SPTAN1: variants seen among roughly 807,000 people sequenced by gnomAD.
SPTAN1 encodes spectrin alpha chain, non-erythrocytic 1.
Under a neutral mutation model 331.3 loss-of-function variants are expected in SPTAN1, and 61 were observed. That is an observed-to-expected ratio of 0.18 (90% CI 0.15 to 0.23). The LOEUF is 0.23. SPTAN1 is among the 10% of genes least tolerant of loss of function. SPTAN1 has a pLI of 1.00. For missense variants in SPTAN1, 2,043 were observed against 3,147.9 expected (o/e 0.65, Z 8.40); for synonymous variants, 1,153 against 1,173.9 (o/e 0.98, Z 0.36).
rs1852138520 is a variant in SPTAN1 at position 128,582,975 on chromosome 9, C to G, written c.1807-102C>G. 45 of 1,570,160 alleles carry G rather than the reference C, an allele frequency of 2.9e-5. 2 individuals are homozygous for G. The South Asian group carries it at 4.8e-4, about 17-fold the overall frequency. ...AACCCCACTACTTAATGTAAGCCAACTGTTTTATACATTCCTCCATAAAGA... is the reference window on the plus strand; with the variant it reads ...AACCCCACTACTTAATGTAAGCCAAGTGTTTTATACATTCCTCCATAAAGA... On this transcript the variant is annotated intron_variant, in intron 14 of 56. Coordinates refer to ENST00000372739, the MANE Select transcript of SPTAN1 (RefSeq NM_001130438.3).
intron 52 of SPTAN1, 45 bp from the exon 53 acceptor site, chr9:128,632,082 A>G: frequency 6.3e-7 from 1 of 1,599,980 alleles, no homozygotes; most frequent in South Asian, 1.1e-5. Context: ...CTGGTGACTG[A>G]GCTGAGGGCC....
At chr9:128,556,170 G>A (rs1410970971) in intron 1 of SPTAN1, among the ~76,000 whole-genome samples, 2 of 152,058 alleles carry the variant, frequency 1.3e-5, no homozygotes, top group Admixed American at 6.6e-5. Flanking sequence ...GCAATGAGCC[G>A]AGATTGCACC....
intron 1 of SPTAN1, among the ~76,000 whole-genome samples, chr9:128,556,407 G>A (rs1321521234): frequency 6.6e-6 from 1 of 152,056 alleles, no homozygotes; most frequent in Non-Finnish European, 1.5e-5. Flanking sequence ...TTATAAATCA[G>A]ATGAGTTATT....
At chr9:128,597,884 C>G (rs965819040) in intron 24 of SPTAN1, among the ~76,000 whole-genome samples, 1 of 151,974 alleles carries the variant, frequency 6.6e-6, no homozygotes, top group Non-Finnish European at 1.5e-5. Flanking sequence ...CTCCTGACCT[C>G]GTGATCCACC....
At chr9:128,575,766 G>A (rs1457973622) in intron 5 of SPTAN1, among the ~76,000 whole-genome samples, 2 of 152,130 alleles carry the variant, frequency 1.3e-5, no homozygotes, top group African/African-American at 2.4e-5. Context: ...GAGCCTGGGA[G>A]AACCTTGTCG....
intron 5 of SPTAN1, among the ~76,000 whole-genome samples, chr9:128,576,539 G>A (rs1029868456): frequency 2.0e-5 from 3 of 152,170 alleles, no homozygotes; most frequent in African/African-American, 7.2e-5. Flanking sequence ...CACAGTTGTT[G>A]CCAAACTATT....
At chr9:128,576,685 A>G (rs1589186160) in intron 5 of SPTAN1, 138 bp from the exon 6 acceptor site, 3 of 1,157,528 alleles carry the variant, frequency 2.6e-6, no homozygotes, top group Non-Finnish European at 2.5e-6. Context: ...TTCACTTTGT[A>G]TCATGTTGAC....
rs546192604 is a variant in SPTAN1 at position 128,575,386 on chromosome 9, T to G, written c.651+41T>G. The G allele has an allele frequency of 5.0e-6, 8 of 1,600,308 alleles. No homozygotes were observed. In the East Asian group the frequency reaches 1.8e-4, roughly 36 times the overall value. On this transcript the variant is annotated intron_variant, in intron 5 of 56. Coordinates refer to ENST00000372739, the MANE Select transcript of SPTAN1 (RefSeq NM_001130438.3). Reference sequence around the variant, plus strand: ...CTGTATGCTTCTCACAACATTATTATGTTAACTTTTTAGTATATTCAGGAT... The same window carrying G: ...CTGTATGCTTCTCACAACATTATTAGGTTAACTTTTTAGTATATTCAGGAT...
intron 1 of SPTAN1, among the ~76,000 whole-genome samples, chr9:128,562,248 G>A (rs745729487): frequency 3.3e-5 from 5 of 152,064 alleles, no homozygotes; most frequent in African/African-American, 9.7e-5. Flanking sequence ...GGCTACAGGC[G>A]CGTGCCACCA....
chr9:128,621,854 C>G (rs1032059573), intron 45 of SPTAN1: 7 of 167,198 alleles, frequency 4.2e-5, no homozygotes, highest in African/African-American at 1.7e-4. Context: ...AAGCCACATC[C>G]CTCCCACACA....
chr9:128,601,582 AAAG>A (rs755936007), intron 27 of SPTAN1, among the ~76,000 whole-genome samples: 9 of 152,178 alleles, frequency 5.9e-5, no homozygotes, highest in Non-Finnish European at 8.8e-5. Flanking sequence ...AATGTTTTAA[AAAG>A]AAGAAGAAAA....
At position 128,625,866 on chromosome 9, in the gene SPTAN1, C is replaced by G; in HGVS notation, c.6167C>G (p.Ser2056Cys). 1.2e-6 allele frequency: 2 copies of G among 1,614,206 alleles called. No homozygotes were observed. Among genetic ancestry groups the G allele is most frequent in the Non-Finnish European group, 8.5e-7 (1 of 1,180,040 alleles). The change falls in exon 48 of 57, where the codon TCC becomes TGC. Residue 2056 changes from serine (S) to cysteine (C), a missense_variant. By Grantham distance (112) the Ser-to-Cys change is moderately radical. Coordinates refer to ENST00000372739, the MANE Select transcript of SPTAN1 (RefSeq NM_001130438.3). This position sits in a 1 kb window ranked among gnomAD's most constrained non-coding sequence, Gnocchi z 4.1. Reference sequence around the variant, plus strand: ...CTTCTCGCCGCCAAACACGTTCAGTCCAAGGCCATCGAGGCCCGGCACGCC... The same window carrying G: ...CTTCTCGCCGCCAAACACGTTCAGTGCAAGGCCATCGAGGCCCGGCACGCC... ...DQLLAAKHVQ[S>C]KAIEARHASL...
Position 128,584,518 on chromosome 9 carries a change from C to T in SPTAN1, c.2430C>T (p.Thr810=), listed in dbSNP as rs754228048. 3 of 1,614,102 alleles carry T rather than the reference C, an allele frequency of 1.9e-6. No individual in the cohort carries two copies. The highest frequency in any genetic ancestry group is 2.2e-5 in the South Asian group (2 of 91,050). Residue 810 remains threonine, a synonymous_variant, in exon 17 of 57, where the codon ACC becomes ACT. Transcript: ENST00000372739. ...AGAAAGAGCCCATTGCCGCATCTAC[C>T]AACAGAGGTCAGTCTGCTTCCCTCA... ...IREKEPIAAS[T]NRGKDLIGVQ...
At position 128,577,205 on chromosome 9, in the gene SPTAN1, G is replaced by C. The variant is rs796053298; in HGVS notation, c.862G>C (p.Ala288Pro). The part of the protein sequence containing the change: ...MASDDFGRDL[A>P]SVQALLRKHE... ...CTCTGATGATTTTGGCCGAGACCTG[G>C]CAAGTGTTCAGGCTCTGCTTCGGAA... The change falls in exon 7 of 57, where the codon GCA becomes CCA. Residue 288 changes from alanine (A) to proline (P), a missense_variant. Coordinates refer to ENST00000372739, the MANE Select transcript of SPTAN1 (RefSeq NM_001130438.3). The surrounding 1 kb of genome is among the most constrained non-coding windows in gnomAD (Gnocchi z 4.2). 7.4e-6 allele frequency: 12 copies of C among 1,614,222 alleles called. No individual in the cohort carries two copies. Among genetic ancestry groups the C allele is most frequent in the Non-Finnish European group, 1.0e-5 (12 of 1,180,040 alleles).
intron 1 of SPTAN1, among the ~76,000 whole-genome samples, chr9:128,554,193 T>G (rs1008779102): frequency 6.6e-6 from 1 of 152,186 alleles, no homozygotes; most frequent in Non-Finnish European, 1.5e-5. Context: ...CAAAGTGTGT[T>G]AACTGTTATC....
Position 128,583,975 on chromosome 9 carries a change from G to C in SPTAN1, c.2193+6G>C, listed in dbSNP as rs751573290. On this transcript the variant is annotated splice_donor_region_variant and intron_variant, in intron 16 of 56. Transcript: ENST00000372739. ...CAGATGTGGCTGCTCACCAGGTAGT[G>C]TGAACTGGGGGCTGTGGTTGGGCAA... 5 of 1,614,160 alleles carry C rather than the reference G, an allele frequency of 3.1e-6. No homozygotes were observed. The Admixed American group carries it at 5.0e-5, about 16-fold the overall frequency.
In SPTAN1 at chr9:128,574,791, C is replaced by T. The variant is rs201249013; in HGVS notation, c.480C>T (p.Asp160=). Residue 160 remains aspartate, a synonymous_variant, in exon 4 of 57, where the codon GAC becomes GAT. Coordinates refer to ENST00000372739, the MANE Select transcript of SPTAN1 (RefSeq NM_001130438.3). Reference sequence around the variant, plus strand: ...TGCAGTACTTACGAGAATGTGAGGACGTGATGGACTGGATCAATGACAAGG... The same window carrying T: ...TGCAGTACTTACGAGAATGTGAGGATGTGATGGACTGGATCAATGACAAGG... ...KLVQYLRECE[D]VMDWINDKEA... is the part of the protein sequence containing the mutation. The T allele has an allele frequency of 1.2e-4, 194 of 1,613,966 alleles. 1 individual carries two copies. Among genetic ancestry groups the T allele is most frequent in the Admixed American group, 1.1e-3 (67 of 60,004 alleles).
intron 27 of SPTAN1, among the ~76,000 whole-genome samples, chr9:128,603,163 C>A (rs556488594): frequency 3.3e-5 from 5 of 151,964 alleles, no homozygotes; most frequent in African/African-American, 1.2e-4. Context: ...ACAGTCTCAG[C>A]TGCCAGCATT....
At chr9:128,588,721 C>T (rs1005090839) in intron 20 of SPTAN1, 88 bp from the exon 21 acceptor site, 23 of 1,566,798 alleles carry the variant, frequency 1.5e-5, no homozygotes, top group African/African-American at 1.2e-4. Context: ...ACATTTGGTA[C>T]AGCTGGTGGC....
Sources: gnomAD v4.1 joint callset for allele counts (sites outside exome capture counted in the v4.1 genomes callset) on GRCh38, gnomAD v4.1.1 for gene constraint, Gnocchi (gnomAD v3.1) non-coding constraint, MANE v1.5 for transcripts, NCBI Gene and HGNC (gene_info 2026-07-23, HGNC 2026-07-21) for gene names.